Variants in URB1 observed in about 807,000 individuals in gnomAD.
The protein encoded by URB1 is URB1 ribosome biogenesis factor, also known as nucleolar pre-ribosomal-associated protein 1.
A neutral mutation model predicts 242.3 loss-of-function variants in URB1; 197 were observed. The ratio of observed to expected loss-of-function variants is 0.81; its 90% CI spans 0.72 to 0.91. The LOEUF is 0.91. URB1 is among the 40% of genes least tolerant of loss of function. The pLI is 0.00. For synonymous variants in URB1, 1,153 were observed against 1,201.8 expected (o/e 0.96, Z 0.84); for missense variants, 2,721 against 2,860.5 (o/e 0.95, Z 1.11).
At chr21:32,366,505 CCT>C in intron 10 of URB1, 111 bp downstream of exon 10, 1 of 1,448,016 alleles carries the variant, frequency 6.9e-7, no homozygotes, top group South Asian at 1.4e-5. Flanking sequence ...TCCGAGGCCC[CCT>C]GACAAAACAC....
At chr21:32,315,558 T>C (rs2032669575) in intron 38 of URB1, among the ~76,000 whole-genome samples, 1 of 152,170 alleles carries the variant, frequency 6.6e-6, no homozygotes, top group South Asian at 2.1e-4. Flanking sequence ...CCCAAAATGC[T>C]AGGATTATAG....
intron 36 of URB1, 21 bp from the exon 37 acceptor site, chr21:32,317,938 C>T: frequency 6.4e-7 from 1 of 1,550,876 alleles, no homozygotes. Context: ...GTCAATGTTA[C>T]AGACTGAGCA....
chr21:32,359,847 C>CA lies in URB1; in HGVS notation c.1817dup (p.Lys607GlufsTer28), dbSNP rs1416294805. 1 of 1,548,104 alleles carries CA rather than the reference C, an allele frequency of 6.5e-7. No individual in the cohort carries two copies. Among genetic ancestry groups the CA allele is most frequent in the Non-Finnish European group, 8.7e-7 (1 of 1,145,634 alleles). ...TGGCCGGCAGCTCCAGGGCCACCTTCAGCATGTGGTGCTGCAGAATGGGAG... is the reference window on the plus strand; with the variant it reads ...TGGCCGGCAGCTCCAGGGCCACCTTCAAGCATGTGGTGCTGCAGAATGGGAG... On this transcript the variant is annotated frameshift_variant, in exon 14 of 39. Coordinates refer to ENST00000382751, the MANE Select transcript of URB1 (RefSeq NM_014825.3). LOFTEE classifies it high-confidence loss of function.
chr21:32,385,592 C>A lies in URB1; in HGVS notation c.235G>T (p.Val79Phe), dbSNP rs1387183116. The A allele has an allele frequency of 2.6e-6, 4 of 1,551,902 alleles. No homozygotes were observed. The African/African-American group carries it at 4.1e-5, about 16-fold the overall frequency. The stretch of plus-strand genomic sequence containing the variant: ...CCACTTAGGAGCTGGAAAATTTCGA[C>A]ACACTCAACAGAAATCTTTATATAC... ...EGYIKISVEC[V>F]EIFQLLSGEK... The change falls in exon 2 of 39, where the codon GTC becomes TTC. Residue 79 changes from valine to phenylalanine, a missense_variant. Transcript: ENST00000382751.
chr21:32,311,658 T>C lies in URB1; in HGVS notation c.*3260A>G, dbSNP rs1016027282. 1.9e-6 allele frequency: 3 copies of C among 1,612,302 alleles called. No individual in the cohort carries two copies. ...ACTGTTCTGCAGCAACTATGATGCC[T>C]GCCTCCCACTCTGCTCTGTTCACAG... On this transcript the variant is annotated 3_prime_UTR_variant, in exon 39 of 39. Transcript: ENST00000382751.
intron 22 of URB1, among the ~76,000 whole-genome samples, chr21:32,346,555 G>T (rs905528293): frequency 2.0e-5 from 3 of 152,218 alleles, no homozygotes; most frequent in Non-Finnish European, 4.4e-5. Context: ...GCTGAACCCA[G>T]GCTGCCTCGA....
rs995583741 is a variant in URB1, at chr21:32,314,945, G to A, written c.6789C>T (p.Asp2263=). ...AAGCATCTGAGGCTGCGCTGGCGGCGTCCTTGCAGAGCACCACGATGGCCT... is the reference window on the plus strand; with the variant it reads ...AAGCATCTGAGGCTGCGCTGGCGGCATCCTTGCAGAGCACCACGATGGCCT... The part of the protein sequence containing the change: ...EEEAIVVLCK[D]AASAASDA The change falls in exon 39 of 39, where the codon GAC becomes GAT. Residue 2263 remains aspartate (D), a synonymous_variant. Transcript: ENST00000382751. 36 of 1,551,390 alleles carry A rather than the reference G, an allele frequency of 2.3e-5. No homozygotes were observed. The highest frequency in any genetic ancestry group is 4.1e-5 in the African/African-American group (3 of 73,052).
Position 32,350,815 on chromosome 21 carries a change from G to A in URB1, c.2721C>T (p.His907=), listed in dbSNP as rs1236740507. ...TGGTGGCCTGCAGCTGCACCTGGAT[G>A]TGCTCGTCCCGAAGCGCTTGGCTCT... The part of the protein sequence containing the change: ...AYESQALRDE[H]IQVQLQATMP... The change falls in exon 20 of 39, where the codon CAC becomes CAT. Residue 907 remains histidine, a synonymous_variant. Coordinates refer to ENST00000382751, the MANE Select transcript of URB1 (RefSeq NM_014825.3). 4 of 1,551,326 alleles carry A rather than the reference G, an allele frequency of 2.6e-6. No individual in the cohort carries two copies. Among genetic ancestry groups the A allele is most frequent in the Non-Finnish European group, 3.5e-6 (4 of 1,147,022 alleles).
rs1297567546 is a variant in URB1, at chr21:32,344,772, A to G, written c.4071-16T>C. 1.9e-6 allele frequency: 3 copies of G among 1,547,746 alleles called. No homozygotes were observed. The Admixed American group carries it at 5.9e-5, about 31-fold the overall frequency. On this transcript the variant is annotated splice_polypyrimidine_tract_variant and intron_variant, in intron 23 of 38. Transcript: ENST00000382751. ...CACGATCCACCTGCAGCAGGAGATGAGAGTCAGAGACAGAGAGCAGGTTTA... is the reference window on the plus strand; with the variant it reads ...CACGATCCACCTGCAGCAGGAGATGGGAGTCAGAGACAGAGAGCAGGTTTA...
At chr21:32,355,103 A>G in intron 16 of URB1, 106 bp from the exon 17 acceptor site, 2 of 1,317,150 alleles carry the variant, frequency 1.5e-6, no homozygotes, top group Non-Finnish European at 2.0e-6. Flanking sequence ...AATATGTTCA[A>G]TCCTTAATTA....
intron 28 of URB1, chr21:32,335,664 A>G (rs913472799): frequency 5.9e-5 from 9 of 152,534 alleles, no homozygotes; most frequent in Non-Finnish European, 1.3e-4. Flanking sequence ...TGTTCACCCC[A>G]GTTTCTGGCA....
At chr21:32,331,372 T>C (rs950118602) in intron 30 of URB1, among the ~76,000 whole-genome samples, 2 of 152,240 alleles carry the variant, frequency 1.3e-5, no homozygotes, top group African/African-American at 2.4e-5. Flanking sequence ...TTAATGAACT[T>C]AGACTTCCCA....
At chr21:32,341,552 C>T (rs1027174057) in intron 24 of URB1, 28 bp from the exon 25 acceptor site, 6 of 1,546,042 alleles carry the variant, frequency 3.9e-6, no homozygotes, top group Non-Finnish European at 5.2e-6. Context: ...AAGAAAAACA[C>T]ATGAAACATC....
chr21:32,333,162 T>C lies in URB1; in HGVS notation c.4960+155A>G. 6.0e-6 allele frequency: 4 copies of C among 667,544 alleles called. No homozygotes were observed. The South Asian group carries it at 7.1e-5, about 12-fold the overall frequency. 41.4% of individuals were successfully genotyped at this position (667,544 alleles called of 1,614,324 possible). A position where few individuals can be genotyped will look rare whatever the true frequency, so the allele number is the denominator to read the frequency against. Reference sequence around the variant, plus strand: ...TAACTGTGACTTTGCTGAAAATCACTGGAATGAACAGATGAGGATGGCTGA... The same window carrying C: ...TAACTGTGACTTTGCTGAAAATCACCGGAATGAACAGATGAGGATGGCTGA... On this transcript the variant is annotated intron_variant, in intron 30 of 38. Transcript: ENST00000382751.
In URB1 at chr21:32,352,784, G is replaced by T. The variant is rs142967669; in HGVS notation, c.2539C>A (p.Pro847Thr). ...AACCGTGAGAGCTGCTGGCAGCAAG[G>T]CACCAGGCATGGAGGCTCAAGCTTA... is the stretch of plus-strand genomic sequence containing the variant. ...YDKLEPPCLVPCCQQLSRFNR... is the reference protein window; with the variant it reads ...YDKLEPPCLVTCCQQLSRFNR... Residue 847 changes from proline to threonine, a missense_variant, in exon 19 of 39, where the codon CCT becomes ACT. Coordinates refer to ENST00000382751, the MANE Select transcript of URB1 (RefSeq NM_014825.3). The T allele has an allele frequency of 1.3e-6, 2 of 1,551,728 alleles. No homozygotes were observed. Among genetic ancestry groups the T allele is most frequent in the Non-Finnish European group, 1.7e-6 (2 of 1,147,006 alleles).
intron 33 of URB1, among the ~76,000 whole-genome samples, 159 bp from the exon 34 acceptor site, chr21:32,322,103 T>C (rs2032774328): frequency 1.3e-5 from 2 of 152,248 alleles, no homozygotes; most frequent in African/African-American, 4.8e-5. Flanking sequence ...CATCTTTGAT[T>C]CCATTTCTTC....
rs555309807 is a variant in URB1, at chr21:32,380,434, A to G, written c.568-1893T>C. ...GGACCTATCTGTGTGTCTCATCACA[A>G]TAAGGAGTTTGCATCCAATGATCAC... On this transcript the variant is annotated intron_variant, in intron 4 of 38. Coordinates refer to ENST00000382751, the MANE Select transcript of URB1 (RefSeq NM_014825.3). Among the ~76,000 whole-genome samples, 9 of 152,322 alleles carry G rather than the reference A, an allele frequency of 5.9e-5. No homozygotes were observed. The East Asian group carries it at 1.7e-3, about 29-fold the overall frequency.
At chr21:32,340,604 ACT>A (rs1255696822) in intron 25 of URB1, among the ~76,000 whole-genome samples, 3 of 152,122 alleles carry the variant, frequency 2.0e-5, no homozygotes, top group African/African-American at 7.2e-5. Flanking sequence ...CATGAGCAAA[ACT>A]CTGTCTCAAA....
At chr21:32,386,952 C>T (rs1286941704) in intron 1 of URB1, among the ~76,000 whole-genome samples, 2 of 152,140 alleles carry the variant, frequency 1.3e-5, no homozygotes, top group South Asian at 2.1e-4. Context: ...GGAGCTGATG[C>T]CTGTTGCTCT....
Sources: gnomAD v4.1 joint callset for allele counts (sites outside exome capture counted in the v4.1 genomes callset) on GRCh38, gnomAD v4.1.1 for gene constraint, MANE v1.5 for transcripts, NCBI Gene and HGNC (gene_info 2026-07-23, HGNC 2026-07-21) for gene names.